The following FRS2 variants were observed in gnomAD, a reference collection of about 807,000 sequenced individuals.
FRS2 encodes fibroblast growth factor receptor substrate 2.
FRS2 carries 8 observed loss-of-function variants against 43.9 expected under a neutral mutation model. The observed-to-expected ratio is 0.18, with a 90% CI of 0.11 to 0.33. The LOEUF (loss-of-function observed/expected upper bound fraction) is 0.33. Ranked by LOEUF, FRS2 falls within the 10% of genes least tolerant of loss-of-function variation. FRS2 has a pLI of 1.00. For synonymous variants in FRS2, 219 were observed against 220.3 expected, an observed-to-expected ratio of 0.99 and a Z score of 0.05; for missense variants, 534 against 627.6, an observed-to-expected ratio of 0.85 and a Z score of 1.59.
intron 2 of FRS2, among the ~76,000 whole-genome samples, chr12:69,531,325 G>A (rs528423762): frequency 8.6e-4 from 115 of 133,006 alleles, no homozygotes; most frequent in Non-Finnish European, 1.3e-3. Flanking sequence ...GTGAGATACT[G>A]TCTCAAAAAG....
rs1283245783 is a variant in FRS2, at chr12:69,577,901, C to A, written c.*2946C>A. ...CTGGGACTTAGGAAAATTTGCCAAG[C>A]AATCTTTGTTTTTATAGATACTAAT... On this transcript the variant is annotated 3_prime_UTR_variant, in exon 9 of 9. Coordinates refer to ENST00000549921, the MANE Select transcript of FRS2 (RefSeq NM_001278356.2). 1 of 152,530 alleles carries A rather than the reference C, an allele frequency of 6.6e-6. No homozygotes were observed. The highest frequency in any genetic ancestry group is 1.5e-5 in the Non-Finnish European group (1 of 68,000). 9.4% of individuals were successfully genotyped at this position (152,530 alleles called of 1,614,324 possible). A position where few individuals can be genotyped will look rare whatever the true frequency, so the allele number is the denominator to read the frequency against.
At chr12:69,528,954 G>A (rs1265195604) in intron 1 of FRS2, among the ~76,000 whole-genome samples, 1 of 152,186 alleles carries the variant, frequency 6.6e-6, no homozygotes, top group Non-Finnish European at 1.5e-5. Context: ...AAAGATGCTG[G>A]TATAGCTTGA....
chr12:69,506,369 A>T (rs563163773), intron 1 of FRS2, among the ~76,000 whole-genome samples: 5 of 152,122 alleles, frequency 3.3e-5, no homozygotes, highest in Non-Finnish European at 2.9e-5. Flanking sequence ...TGGATCCTTC[A>T]TAAGCTATAA....
chr12:69,511,257 G>A (rs1874425087), intron 1 of FRS2, among the ~76,000 whole-genome samples: 1 of 152,160 alleles, frequency 6.6e-6, no homozygotes, highest in Non-Finnish European at 1.5e-5. Flanking sequence ...CATTCATTAA[G>A]CAGTCAATGA....
At chr12:69,572,398 C>T in intron 8 of FRS2, 117 bp downstream of exon 8, 1 of 803,802 alleles carries the variant, frequency 1.2e-6, no homozygotes, top group South Asian at 1.8e-5. Flanking sequence ...TTGTAAATTA[C>T]TTTTGTAGTG....
chr12:69,492,139 A>G (rs911521730), intron 1 of FRS2, among the ~76,000 whole-genome samples: 3 of 152,254 alleles, frequency 2.0e-5, no homozygotes, highest in African/African-American at 4.8e-5. Flanking sequence ...TATTATTTTC[A>G]TTATTAGCAG....
In FRS2 at chr12:69,538,897, A is replaced by C. The variant is rs7307603; in HGVS notation, c.-122+6841A>C. On this transcript the variant is annotated intron_variant, in intron 3 of 8. Transcript: ENST00000549921. Reference sequence around the variant, plus strand: ...GTTTATTTCTATATTTTGTTATGCAAATTCTCCACAAAATAACATAACATT... The same window carrying C: ...GTTTATTTCTATATTTTGTTATGCACATTCTCCACAAAATAACATAACATT... Among the ~76,000 whole-genome samples the C allele has an allele frequency of 2.6e-5, 4 of 152,002 alleles. No homozygotes were observed. The South Asian group carries it at 6.2e-4, about 24-fold the overall frequency.
chr12:69,509,850 G>A lies in FRS2; in HGVS notation c.-260-21015G>A, dbSNP rs117684700. 6.0e-3 allele frequency among the ~76,000 whole-genome samples: 913 copies of A among 152,028 alleles called. 6 individuals are homozygous for A. The highest frequency in any genetic ancestry group is 0.011 in the Non-Finnish European group (731 of 67,982). ...CTTTTTAAAGCGAGGTCTCAGGAAG[G>A]GTCAGTCATGCTTTACATCCACCTT... On this transcript the variant is annotated intron_variant, in intron 1 of 8. Coordinates refer to ENST00000549921, the MANE Select transcript of FRS2 (RefSeq NM_001278356.2).
At chr12:69,562,863 A>AT (rs778675956) in intron 4 of FRS2, among the ~76,000 whole-genome samples, 28 of 151,360 alleles carry the variant, frequency 1.8e-4, no homozygotes, top group Non-Finnish European at 3.4e-4. Flanking sequence ...CTAATTTTCT[A>AT]TTTTTTGTGG....
At chr12:69,523,334 A>T (rs1476390145) in intron 1 of FRS2, among the ~76,000 whole-genome samples, 1 of 152,026 alleles carries the variant, frequency 6.6e-6, no homozygotes, top group Non-Finnish European at 1.5e-5. Context: ...CCGTTATGTA[A>T]TGCCCTTGTC....
chr12:69,573,406 T>C (rs1285538730), intron 8 of FRS2, among the ~76,000 whole-genome samples: 1 of 152,186 alleles, frequency 6.6e-6, no homozygotes, highest in African/African-American at 2.4e-5. Context: ...TGTTCCTGAT[T>C]TTTATTTTTT....
At chr12:69,481,725 T>A (rs1192614777) in intron 1 of FRS2, among the ~76,000 whole-genome samples, 2 of 152,238 alleles carry the variant, frequency 1.3e-5, no homozygotes, top group African/African-American at 4.8e-5. Flanking sequence ...TTGAAGAGTA[T>A]AGGTCATTTA....
intron 3 of FRS2, among the ~76,000 whole-genome samples, chr12:69,549,576 G>A (rs764231181): frequency 1.6e-4 from 24 of 152,170 alleles, no homozygotes; most frequent in Admixed American, 2.0e-4. Flanking sequence ...TGGGAACTCA[G>A]CATTTAAAGG....
rs1881228915 is a variant in FRS2 at position 69,576,890 on chromosome 12, C to A, written c.*1935C>A. ...GTATAGGTGTGCAGTTTCCATGATG[C>A]AGGTTCCATTTTTAATATATTGTTC... On this transcript the variant is annotated 3_prime_UTR_variant, in exon 9 of 9. Transcript: ENST00000549921. 2 of 152,596 alleles carry A rather than the reference C, an allele frequency of 1.3e-5. No homozygotes were observed. The highest frequency in any genetic ancestry group is 4.8e-5 in the African/African-American group (2 of 41,448). The allele number at this position is 152,596 out of a possible 1,614,324, so 9.5% of individuals were successfully genotyped here.
At chr12:69,565,695 TCTC>T (rs1487856378) in intron 4 of FRS2, among the ~76,000 whole-genome samples, 7 of 152,174 alleles carry the variant, frequency 4.6e-5, no homozygotes, top group African/African-American at 1.7e-4. Flanking sequence ...ATCACGGTCT[TCTC>T]CTCCTACATG....
intron 1 of FRS2, among the ~76,000 whole-genome samples, chr12:69,509,960 C>G (rs142998368): frequency 2.0e-5 from 3 of 152,058 alleles, no homozygotes; most frequent in Admixed American, 6.6e-5. Flanking sequence ...TACAGGTATG[C>G]CAAACAAAGG....
chr12:69,571,165 C>A, intron 6 of FRS2, 111 bp from the exon 7 acceptor site: 1 of 618,252 alleles, frequency 1.6e-6, no homozygotes, highest in South Asian at 2.2e-5. Flanking sequence ...AAAGGGATTT[C>A]TGACTCGGTG....
chr12:69,567,432 G>T (rs1244507411), intron 4 of FRS2, among the ~76,000 whole-genome samples: 4 of 152,108 alleles, frequency 2.6e-5, no homozygotes, highest in Non-Finnish European at 5.9e-5. Context: ...TTAAATCACA[G>T]GTCCTATAGC....
At chr12:69,563,272 A>C (rs1246945843) in intron 4 of FRS2, among the ~76,000 whole-genome samples, 2 of 152,168 alleles carry the variant, frequency 1.3e-5, no homozygotes, top group Non-Finnish European at 2.9e-5. Flanking sequence ...AGGAGAAAGA[A>C]TCAGATATGT....
Sources: gnomAD v4.1 joint callset for allele counts (sites outside exome capture counted in the v4.1 genomes callset) on GRCh38, gnomAD v4.1.1 for gene constraint, MANE v1.5 for transcripts, NCBI Gene and HGNC (gene_info 2026-07-23, HGNC 2026-07-21) for gene names.